ZFHX3: variants seen among roughly 807,000 people sequenced by gnomAD.
ZFHX3 encodes the protein zinc finger homeobox protein 3.
A neutral mutation model predicts 279.1 loss-of-function variants in ZFHX3; 42 were observed. The ratio of observed to expected loss-of-function variants is 0.15; its 90% CI spans 0.12 to 0.19. The LOEUF is 0.19. ZFHX3 is among the 10% of genes least tolerant of loss of function. The pLI is 1.00. For synonymous variants in ZFHX3, 2,293 were observed against 1,957.8 expected (o/e 1.17, Z -4.52); for missense variants, 4,981 against 4,754.0 (o/e 1.05, Z -1.40).
intron 3 of ZFHX3, among the ~76,000 whole-genome samples, chr16:73,324,246 T>C (rs920331305): frequency 3.9e-5 from 6 of 152,232 alleles, no homozygotes; most frequent in African/African-American, 1.4e-4. Context: ...TTGTTTTTTT[T>C]CCTAACAGTG....
At chr16:73,754,758 G>GAA (rs200089304) in intron 1 of ZFHX3, among the ~76,000 whole-genome samples, 1 of 149,898 alleles carries the variant, frequency 6.7e-6, no homozygotes. Flanking sequence ...TTTACATGAA[G>GAA]AAAAAAAAAG....
At chr16:73,291,808 A>G (rs893388872) in intron 4 of ZFHX3, among the ~76,000 whole-genome samples, 2 of 152,204 alleles carry the variant, frequency 1.3e-5, no homozygotes, top group Non-Finnish European at 2.9e-5. Context: ...AGAGATCTAT[A>G]TAAACTGCCA....
chr16:73,341,571 G>A (rs990447717), intron 3 of ZFHX3, among the ~76,000 whole-genome samples: 12 of 152,134 alleles, frequency 7.9e-5, no homozygotes, highest in Admixed American at 7.2e-4. Flanking sequence ...ACTCCTAGAT[G>A]TACACACCCA....
rs1323872601 is a variant in ZFHX3, at chr16:72,958,907, G to A, written c.1239C>T (p.Thr413=). The A allele has an allele frequency of 1.2e-6, 2 of 1,606,670 alleles. No homozygotes were observed. Among genetic ancestry groups the A allele is most frequent in the Non-Finnish European group, 1.7e-6 (2 of 1,176,302 alleles). ...LGGLTSSVLK[T]PITSVPLGPL... ...GCCCCAGGGGGACTGAGGTAATGGG[G>A]GTCTTCAGTACCGAGCTGGTGAGCC... The change falls in exon 2 of 10, where the codon ACC becomes ACT. Residue 413 remains threonine, a synonymous_variant. Coordinates refer to ENST00000268489, the MANE Select transcript of ZFHX3 (RefSeq NM_006885.4).
At chr16:73,270,761 C>G (rs1295706449) in intron 4 of ZFHX3, among the ~76,000 whole-genome samples, 1 of 152,088 alleles carries the variant, frequency 6.6e-6, no homozygotes, top group Non-Finnish European at 1.5e-5. Context: ...GGACCAGAGG[C>G]GGATTTACCT....
At chr16:73,701,457 A>C (rs909743900) in intron 1 of ZFHX3, among the ~76,000 whole-genome samples, 30 of 152,232 alleles carry the variant, frequency 2.0e-4, no homozygotes, top group Non-Finnish European at 4.3e-4. Context: ...AAATTAGAAA[A>C]TCATGAAACA....
intron 3 of ZFHX3, among the ~76,000 whole-genome samples, chr16:73,417,385 T>C (rs1375098782): frequency 7.5e-6 from 1 of 133,464 alleles, no homozygotes; most frequent in Non-Finnish European, 1.5e-5. Flanking sequence ...AGAAAAGGAA[T>C]TTTTTCTTTT....
chr16:73,145,918 C>A (rs1326591671), intron 5 of ZFHX3, among the ~76,000 whole-genome samples: 1 of 152,170 alleles, frequency 6.6e-6, no homozygotes, highest in Non-Finnish European at 1.5e-5. Flanking sequence ...ATTTAGTATT[C>A]TAACTATCAA....
intron 3 of ZFHX3, among the ~76,000 whole-genome samples, chr16:73,371,588 C>T (rs1365908888): frequency 6.6e-6 from 1 of 151,882 alleles, no homozygotes; most frequent in East Asian, 2.0e-4. Context: ...CTCCATCCAC[C>T]AAAAGGAACT....
At chr16:73,824,204 G>C (rs1960831225) in intron 1 of ZFHX3, among the ~76,000 whole-genome samples, 1 of 152,124 alleles carries the variant, frequency 6.6e-6, no homozygotes, top group Non-Finnish European at 1.5e-5. Flanking sequence ...AAGTTATGTT[G>C]CGTGTCTCAA....
chr16:73,803,660 T>C (rs1025362345), intron 1 of ZFHX3, among the ~76,000 whole-genome samples: 87 of 152,190 alleles, frequency 5.7e-4, no homozygotes, highest in African/African-American at 1.9e-3. Context: ...CAAATGGGTG[T>C]CTATATTTTG....
intron 5 of ZFHX3, among the ~76,000 whole-genome samples, chr16:73,159,228 A>T (rs1164129021): frequency 6.6e-6 from 1 of 152,196 alleles, no homozygotes; most frequent in Non-Finnish European, 1.5e-5. Context: ...TAAACAAACA[A>T]ATTTACAAGA....
Position 73,506,189 on chromosome 16 carries a change from G to A in ZFHX3, c.-1546-49931C>T, listed in dbSNP as rs557493638. 1.4e-3 allele frequency among the ~76,000 whole-genome samples: 218 copies of A among 152,270 alleles called. 2 individuals carry two copies. The highest frequency in any genetic ancestry group is 4.8e-3 in the African/African-American group (199 of 41,538). ...TTGCAGTCTCCTAAGTCATGCGCCT[G>A]GTCAGATCTGAAATGCCTAGATTTT... On this transcript the variant is annotated intron_variant, in intron 2 of 17. Coordinates refer to the ZFHX3 transcript ENST00000641206.
intron 3 of ZFHX3, among the ~76,000 whole-genome samples, chr16:72,942,600 G>C (rs563086774): frequency 6.6e-6 from 1 of 152,286 alleles, no homozygotes; most frequent in African/African-American, 2.4e-5. Flanking sequence ...TATACCTTTG[G>C]AATCCAAAAG....
chr16:72,964,193 T>C (rs1465763210), intron 1 of ZFHX3, among the ~76,000 whole-genome samples: 1 of 152,140 alleles, frequency 6.6e-6, no homozygotes, highest in Non-Finnish European at 1.5e-5. Flanking sequence ...GACTCAACAA[T>C]TCCCCGTTCT....
chr16:72,861,167 T>G (rs1012045776), intron 4 of ZFHX3, among the ~76,000 whole-genome samples: 1 of 152,252 alleles, frequency 6.6e-6, no homozygotes, highest in African/African-American at 2.4e-5. Flanking sequence ...TGGTACCAAC[T>G]GTCCCCTACA....
At chr16:73,668,984 A>T (rs2052874085) in intron 2 of ZFHX3, among the ~76,000 whole-genome samples, 1 of 151,994 alleles carries the variant, frequency 6.6e-6, no homozygotes, top group South Asian at 2.1e-4. Flanking sequence ...ATTGTGGAAG[A>T]CAGTGTGATC....
intron 8 of ZFHX3, among the ~76,000 whole-genome samples, chr16:73,077,986 G>A (rs1177078983): frequency 6.6e-6 from 1 of 152,106 alleles, no homozygotes; most frequent in African/African-American, 2.4e-5. Context: ...TGTATTTTTA[G>A]TAGAGATGGA....
chr16:73,469,422 A>T (rs1219464211), intron 2 of ZFHX3, among the ~76,000 whole-genome samples: 3 of 152,122 alleles, frequency 2.0e-5, no homozygotes, highest in African/African-American at 7.2e-5. Context: ...TGTGCAGGGC[A>T]GAACAGAGCA....
Sources: allele counts gnomAD v4.1 joint callset (sites outside exome capture counted in the v4.1 genomes callset), GRCh38; gene constraint gnomAD v4.1.1; transcripts MANE v1.5; gene names NCBI Gene and HGNC (gene_info 2026-07-23, HGNC 2026-07-21).